Variants in DTNB observed in about 807,000 individuals in gnomAD.
DTNB encodes the protein dystrobrevin beta.
A neutral mutation model predicts 90.7 loss-of-function variants in DTNB; 63 were observed. That is an observed-to-expected ratio of 0.69 (90% CI 0.57 to 0.86). The LOEUF is 0.86. Among genes scored for constraint, DTNB ranks in the 40% least tolerant of loss-of-function variants. The pLI, the probability that DTNB is intolerant of heterozygous loss-of-function variation, is 0.00. For missense variants in DTNB, 744 were observed against 807.1 expected (o/e 0.92, Z 0.95); for synonymous variants, 277 against 286.7 (o/e 0.97, Z 0.34).
At chr2:25,631,961 G>A (rs1284841609) in intron 3 of DTNB, among the ~76,000 whole-genome samples, 1 of 152,056 alleles carries the variant, frequency 6.6e-6, no homozygotes, top group Non-Finnish European at 1.5e-5. Flanking sequence ...TTGGGAGGCC[G>A]AGGTGGGTGG....
At chr2:25,655,807 A>C (rs2081959116) in intron 1 of DTNB, among the ~76,000 whole-genome samples, 2 of 152,132 alleles carry the variant, frequency 1.3e-5, no homozygotes, top group Non-Finnish European at 2.9e-5. Context: ...CCTCGAGTCC[A>C]TTTTGTTCCC....
chr2:25,549,902 C>G (rs1419465737), intron 8 of DTNB, among the ~76,000 whole-genome samples: 3 of 152,066 alleles, frequency 2.0e-5, no homozygotes, highest in Admixed American at 6.5e-5. Flanking sequence ...CTCAAGTGAT[C>G]CTCCTGCCTC....
rs774817421 is a variant in DTNB, at chr2:25,399,350, CT to C, written c.1576-10990del. On this transcript the variant is annotated intron_variant, in intron 16 of 20. Transcript: ENST00000406818. ...ACAGGCGTGAGCCATCGCCCCTGAC[CT>C]TTTTTTTTTTTTTAGACAGGATCTT... is the stretch of plus-strand genomic sequence containing the variant. 278 of 119,828 alleles carry C rather than the reference CT, an allele frequency of 2.3e-3. 2 individuals carry two copies. Among genetic ancestry groups the C allele is most frequent in the Middle Eastern group, 4.4e-3 (1 of 226 alleles). 7.4% of individuals were successfully genotyped at this position (119,828 alleles called of 1,614,324 possible).
At chr2:25,471,556 C>T (rs1010882834) in intron 10 of DTNB, among the ~76,000 whole-genome samples, 2 of 151,942 alleles carry the variant, frequency 1.3e-5, no homozygotes, top group African/African-American at 4.8e-5. Context: ...CCACAAAGCC[C>T]GGCTAATTTT....
chr2:25,552,984 C>T (rs1223214175), intron 8 of DTNB, among the ~76,000 whole-genome samples: 8 of 151,110 alleles, frequency 5.3e-5, no homozygotes, highest in Admixed American at 2.0e-4. Context: ...CCTCAGCCTC[C>T]CGAGTAGCTG....
At chr2:25,402,905 G>A (rs77996290) in intron 16 of DTNB, among the ~76,000 whole-genome samples, 15 of 152,222 alleles carry the variant, frequency 9.9e-5, no homozygotes, top group African/African-American at 3.6e-4. Flanking sequence ...GTGAGGGCAA[G>A]GTGTACAATT....
intron 3 of DTNB, among the ~76,000 whole-genome samples, chr2:25,631,125 A>G (rs994951568): frequency 3.3e-5 from 5 of 152,140 alleles, no homozygotes; most frequent in African/African-American, 1.2e-4. Flanking sequence ...AGAATTAGAT[A>G]ATGATGATGG....
At chr2:25,648,549 C>A (rs2148906868) in intron 2 of DTNB, among the ~76,000 whole-genome samples, 1 of 151,954 alleles carries the variant, frequency 6.6e-6, no homozygotes, top group South Asian at 2.1e-4. Context: ...TTAAAAAGAG[C>A]TCCAAAAGGA....
rs1314104235 is a variant in DTNB, at chr2:25,484,295, CCTT to C, written c.1002-1425_1002-1423del. Among the ~76,000 whole-genome samples, 25 of 152,318 alleles carry C rather than the reference CCTT, an allele frequency of 1.6e-4. No individual in the cohort carries two copies. The East Asian group carries it at 4.6e-3, about 28-fold the overall frequency. ...AAAGCATAAAACTGAAGCTGAAAGT[CCTT>C]CTCTCATATTTAGGTGCTTGGGAAC... On this transcript the variant is annotated intron_variant, in intron 9 of 20. Transcript: ENST00000406818.
At chr2:25,507,982 C>T (rs2072908882) in intron 9 of DTNB, among the ~76,000 whole-genome samples, 1 of 152,190 alleles carries the variant, frequency 6.6e-6, no homozygotes, top group Admixed American at 6.5e-5. Flanking sequence ...ACTCCATCAC[C>T]TCCTTCAAGC....
At position 25,478,795 on chromosome 2, in the gene DTNB, AATCCTTCCTTG is replaced by A. The variant is rs1486434240; in HGVS notation, c.1079+3990_1079+4000del. On this transcript the variant is annotated intron_variant, in intron 10 of 20. Coordinates refer to ENST00000406818, the MANE Select transcript of DTNB (RefSeq NM_021907.5). ...ACAGCAACGCAATCCAGGACACAAG[AATCCTTCCTTG>A]CGTTTTTCTAATCCAAAGGAGGAAA... Among the ~76,000 whole-genome samples the A allele has an allele frequency of 2.0e-5, 3 of 152,302 alleles. No homozygotes were observed. The East Asian group carries it at 5.8e-4, about 29-fold the overall frequency.
intron 8 of DTNB, among the ~76,000 whole-genome samples, chr2:25,543,313 GT>G (rs11400422): frequency 6.1e-5 from 9 of 146,934 alleles, no homozygotes; most frequent in South Asian, 4.3e-4. Flanking sequence ...TTTGTTTTTT[GT>G]TTTTTTTTTG....
chr2:25,616,630 T>TAAAAAAAAAAAAAA (rs58950790), intron 4 of DTNB, among the ~76,000 whole-genome samples: 12 of 117,672 alleles, frequency 1.0e-4, no homozygotes, highest in African/African-American at 2.7e-4. Context: ...CTATTTATAG[T>TAAAAAAAAAAAAAA]AAAAAAAAAA....
intron 8 of DTNB, among the ~76,000 whole-genome samples, chr2:25,553,626 G>C (rs929890459): frequency 6.6e-6 from 1 of 151,466 alleles, no homozygotes; most frequent in African/African-American, 2.4e-5. Context: ...TGTAATCCCA[G>C]CTACTCAGGA....
At chr2:25,428,714 T>C (rs947849216) in intron 14 of DTNB, among the ~76,000 whole-genome samples, 1 of 152,202 alleles carries the variant, frequency 6.6e-6, no homozygotes, top group African/African-American at 2.4e-5. Flanking sequence ...ATTACAGTCG[T>C]GAGCCACCGC....
intron 8 of DTNB, among the ~76,000 whole-genome samples, chr2:25,550,945 C>G (rs10181132): frequency 0.012 from 1,762 of 152,320 alleles, 43 homozygotes; most frequent in African/African-American, 0.04. Context: ...CCACAGCACC[C>G]AGCTGAGACC....
At chr2:25,635,196 G>A (rs2148799710) in intron 3 of DTNB, among the ~76,000 whole-genome samples, 1 of 152,242 alleles carries the variant, frequency 6.6e-6, no homozygotes, top group Non-Finnish European at 1.5e-5. Context: ...ACTTTGGGAG[G>A]CCAAGACAGG....
intron 9 of DTNB, among the ~76,000 whole-genome samples, chr2:25,488,098 G>A (rs1312169483): frequency 6.6e-6 from 1 of 152,056 alleles, no homozygotes; most frequent in Non-Finnish European, 1.5e-5. Flanking sequence ...AGGGGTGAGG[G>A]GAATCTTTGC....
chr2:25,531,625 A>G, intron 8 of DTNB, 28 bp from the exon 9 acceptor site: 1 of 1,596,328 alleles, frequency 6.3e-7, no homozygotes, highest in Non-Finnish European at 8.5e-7. Flanking sequence ...ATAGTAAGGA[A>G]TTAACCCTTC....
Sources: allele counts gnomAD v4.1 joint callset (sites outside exome capture counted in the v4.1 genomes callset), GRCh38; gene constraint gnomAD v4.1.1; transcripts MANE v1.5; gene names NCBI Gene and HGNC (gene_info 2026-07-23, HGNC 2026-07-21).